Variants in METTL15 observed in about 807,000 individuals in gnomAD.
The protein encoded by METTL15 is 12S rRNA N(4)-cytidine methyltransferase METTL15.
In METTL15, 34 loss-of-function variants were observed where a neutral mutation model predicts 38.3. The ratio of observed to expected loss-of-function variants is 0.89; its 90% confidence interval spans 0.68 to 1.18. The LOEUF (loss-of-function observed/expected upper bound fraction) is 1.18. METTL15 is among the 50% of genes most tolerant of loss of function. The probability of loss-of-function intolerance (pLI) is 0.00; values close to 1 mark genes in which losing one functional copy is unlikely to be tolerated. For missense variants in METTL15, 438 were observed against 498.4 expected (o/e 0.88, Z 1.15); for synonymous variants, 162 against 170.9 (o/e 0.95, Z 0.41).
intron 4 of METTL15, among the ~76,000 whole-genome samples, chr11:28,246,036 ATAT>A (rs1854495502): frequency 6.6e-6 from 1 of 152,176 alleles, no homozygotes; most frequent in African/African-American, 2.4e-5. Context: ...TAAAATAAAA[ATAT>A]TATTTCTGGC....
intron 6 of METTL15, among the ~76,000 whole-genome samples, chr11:28,505,288 C>T (rs571743880): frequency 8.6e-4 from 131 of 152,296 alleles, no homozygotes; most frequent in Non-Finnish European, 1.6e-3. Context: ...AAAATACTCA[C>T]CAACAAACTT....
chr11:28,434,925 A>C (rs1028466632), intron 6 of METTL15, among the ~76,000 whole-genome samples: 3 of 152,228 alleles, frequency 2.0e-5, no homozygotes, highest in Admixed American at 6.5e-5. Context: ...CAAAGAGAGA[A>C]GGCAGAAATG....
intron 3 of METTL15, among the ~76,000 whole-genome samples, chr11:28,175,996 G>A (rs918098152): frequency 4.0e-5 from 6 of 151,648 alleles, no homozygotes; most frequent in African/African-American, 1.5e-4. Flanking sequence ...GCTGTAGGGA[G>A]GTCAATTTAA....
chr11:28,509,770 T>C (rs371265815), intron 6 of METTL15, among the ~76,000 whole-genome samples: 6 of 152,316 alleles, frequency 3.9e-5, no homozygotes, highest in East Asian at 1.9e-4. Flanking sequence ...CCCAACCTTA[T>C]GTCTAAGCAT....
chr11:28,114,885 C>G (rs1851875108), intron 3 of METTL15, among the ~76,000 whole-genome samples: 1 of 152,164 alleles, frequency 6.6e-6, no homozygotes, highest in Admixed American at 6.5e-5. Flanking sequence ...TGTCAAATTA[C>G]AGTCTTAAAA....
chr11:28,485,334 G>T (rs1851429923), intron 6 of METTL15, among the ~76,000 whole-genome samples: 1 of 152,202 alleles, frequency 6.6e-6, no homozygotes, highest in African/African-American at 2.4e-5. Flanking sequence ...TTCACTATGT[G>T]CCAGGCACTG....
At chr11:28,120,792 T>G (rs564777793) in intron 3 of METTL15, among the ~76,000 whole-genome samples, 14 of 152,322 alleles carry the variant, frequency 9.2e-5, no homozygotes, top group African/African-American at 3.4e-4. Context: ...GTTTGTCAAC[T>G]TATCCTTCTT....
chr11:28,162,327 T>C (rs1195754095), intron 3 of METTL15, among the ~76,000 whole-genome samples: 1 of 152,124 alleles, frequency 6.6e-6, no homozygotes, highest in East Asian at 1.9e-4. Context: ...CTTGGAAGGC[T>C]AAGAAACAGA....
chr11:28,222,568 A>G (rs1218731475), intron 4 of METTL15, among the ~76,000 whole-genome samples: 1 of 152,156 alleles, frequency 6.6e-6, no homozygotes, highest in African/African-American at 2.4e-5. Flanking sequence ...TCCTGCACCC[A>G]CTGTCCTACA....
chr11:28,389,335 C>T (rs1850476489), intron 5 of METTL15, among the ~76,000 whole-genome samples: 1 of 149,798 alleles, frequency 6.7e-6, no homozygotes, highest in Non-Finnish European at 1.5e-5. Context: ...CACCCATTAA[C>T]TCGTCATTTA....
intron 6 of METTL15, among the ~76,000 whole-genome samples, chr11:28,521,692 G>A (rs141637201): frequency 3.6e-4 from 55 of 152,178 alleles, no homozygotes; most frequent in African/African-American, 1.3e-3. Context: ...TAGAAGACTA[G>A]TAGGAGAAAG....
chr11:28,409,381 C>CAAAAAAAAAAAA (rs58050337), intron 5 of METTL15, among the ~76,000 whole-genome samples: 1 of 81,338 alleles, frequency 1.2e-5, no homozygotes, highest in African/African-American at 5.1e-5. Context: ...GACTCCGTCT[C>CAAAAAAAAAAAA]AAAAAAAAAA....
chr11:28,423,974 A>G (rs1564927278), intron 5 of METTL15, among the ~76,000 whole-genome samples: 1 of 152,102 alleles, frequency 6.6e-6, no homozygotes, highest in Non-Finnish European at 1.5e-5. Flanking sequence ...CCATAAACAT[A>G]TACTCCTATT....
intron 4 of METTL15, among the ~76,000 whole-genome samples, chr11:28,260,188 T>C (rs1403666976): frequency 1.3e-5 from 2 of 152,218 alleles, no homozygotes; most frequent in Admixed American, 6.5e-5. Flanking sequence ...TAAGAACATA[T>C]CAGTTTCATT....
intron 4 of METTL15, among the ~76,000 whole-genome samples, chr11:28,257,992 T>TA (rs1403033064): frequency 6.6e-6 from 1 of 152,210 alleles, no homozygotes; most frequent in Non-Finnish European, 1.5e-5. Flanking sequence ...TATTATAGTT[T>TA]TCATAGTCTG....
At chr11:28,390,396 A>G (rs968210866) in intron 5 of METTL15, among the ~76,000 whole-genome samples, 97 of 151,898 alleles carry the variant, frequency 6.4e-4, no homozygotes, top group African/African-American at 2.2e-3. Flanking sequence ...ATCTTGAATT[A>G]ATTTTTGTAT....
intron 6 of METTL15, among the ~76,000 whole-genome samples, chr11:28,430,809 G>A (rs1850917039): frequency 1.1e-5 from 1 of 94,750 alleles, no homozygotes; most frequent in South Asian, 4.1e-4. Flanking sequence ...TGGGAAGTGA[G>A]GAGCCCCTCT....
intron 3 of METTL15, among the ~76,000 whole-genome samples, chr11:28,166,661 T>C (rs1850667841): frequency 6.6e-6 from 1 of 152,130 alleles, no homozygotes; most frequent in African/African-American, 2.4e-5. Flanking sequence ...GAAAAAATGC[T>C]GAAACTGGCC....
chr11:28,182,864 G>A (rs1445796022), intron 3 of METTL15, among the ~76,000 whole-genome samples: 4 of 152,032 alleles, frequency 2.6e-5, no homozygotes, highest in African/African-American at 7.2e-5. Context: ...CCATTTTTAC[G>A]ATATTGATTC....
Sources: gnomAD v4.1 joint callset for allele counts (sites outside exome capture counted in the v4.1 genomes callset) on GRCh38, gnomAD v4.1.1 for gene constraint, MANE v1.5 for transcripts, NCBI Gene and HGNC (gene_info 2026-07-23, HGNC 2026-07-21) for gene names.